The following GABRB3 variants were observed in gnomAD, a reference collection of about 807,000 sequenced individuals.
GABRB3 encodes gamma-aminobutyric acid type A receptor subunit beta3.
Under a neutral mutation model 52.1 loss-of-function variants are expected in GABRB3, and 14 were observed. The ratio of observed to expected loss-of-function variants is 0.27; its 90% confidence interval spans 0.18 to 0.42. The LOEUF is 0.42. GABRB3 is among the 10% of genes least tolerant of loss of function. The probability of loss-of-function intolerance (pLI) is 1.00; values close to 1 mark genes in which losing one functional copy is unlikely to be tolerated. For missense variants in GABRB3, 307 were observed against 609.1 expected, an observed-to-expected ratio of 0.50 and a Z score of 5.22; for synonymous variants, 260 against 232.3, an observed-to-expected ratio of 1.12 and a Z score of -1.08.
At chr15:26,598,520 C>T (rs1891476613) in intron 4 of GABRB3, among the ~76,000 whole-genome samples, 1 of 152,062 alleles carries the variant, frequency 6.6e-6, no homozygotes. Flanking sequence ...ATTTGGTCTG[C>T]AGAACTGATT....
chr15:26,764,478 T>C (rs1271079042), intron 3 of GABRB3, among the ~76,000 whole-genome samples: 5 of 151,986 alleles, frequency 3.3e-5, no homozygotes, highest in Non-Finnish European at 7.4e-5. Context: ...CTGTGAGATG[T>C]TTAAGTTCAG....
At chr15:26,770,777 T>G (rs1891123140) in intron 3 of GABRB3, among the ~76,000 whole-genome samples, 1 of 152,254 alleles carries the variant, frequency 6.6e-6, no homozygotes, top group Non-Finnish European at 1.5e-5. Context: ...AAGTCCCCAG[T>G]TGAGAAAATC....
intron 3 of GABRB3, among the ~76,000 whole-genome samples, chr15:26,645,115 C>T (rs970581184): frequency 3.3e-5 from 5 of 152,042 alleles, no homozygotes; most frequent in African/African-American, 1.2e-4. Context: ...TGGTGGTGTG[C>T]GCCTGTAGTC....
At chr15:26,580,225 T>C (rs1890738155) in intron 6 of GABRB3, 94 bp downstream of exon 6, 1 of 1,426,208 alleles carries the variant, frequency 7.0e-7, no homozygotes, top group Non-Finnish European at 9.9e-7. Flanking sequence ...CCGATGATCC[T>C]GTGCTGTGAG....
intron 3 of GABRB3, among the ~76,000 whole-genome samples, chr15:26,667,238 C>T (rs1421961965): frequency 6.6e-6 from 1 of 152,202 alleles, no homozygotes; most frequent in Admixed American, 6.5e-5. Flanking sequence ...GTCTCCAATG[C>T]CAGAGCCCGA....
At chr15:26,567,773 C>A in intron 6 of GABRB3, 40 bp from the exon 7 acceptor site, 1 of 1,602,932 alleles carries the variant, frequency 6.2e-7, no homozygotes, top group Non-Finnish European at 8.5e-7. Context: ...GGAGAAACAA[C>A]ATGGCAGACT....
At chr15:26,678,933 T>C (rs7494844) in intron 3 of GABRB3, among the ~76,000 whole-genome samples, 14,228 of 152,190 alleles carry the variant, frequency 0.093, 783 homozygotes, top group Middle Eastern at 0.17. Context: ...TGTGAGTTTC[T>C]ATGAACCTCA....
chr15:26,636,412 C>T (rs892700100), intron 3 of GABRB3, among the ~76,000 whole-genome samples: 3 of 152,118 alleles, frequency 2.0e-5, no homozygotes, highest in African/African-American at 4.8e-5. Context: ...GCCTTTCCTC[C>T]GACCTAAATG....
intron 3 of GABRB3, among the ~76,000 whole-genome samples, chr15:26,744,894 G>A (rs1890298187): frequency 6.6e-6 from 1 of 152,038 alleles, no homozygotes; most frequent in African/African-American, 2.4e-5. Flanking sequence ...TTTTTGCATT[G>A]CTATAAAGAA....
chr15:26,739,565 T>G, intron 3 of GABRB3, among the ~76,000 whole-genome samples: 1 of 152,086 alleles, frequency 6.6e-6, no homozygotes. Flanking sequence ...AGGGGCCGGT[T>G]TGGCAGGCAG....
At chr15:26,714,865 A>ATC (rs1889417223) in intron 3 of GABRB3, among the ~76,000 whole-genome samples, 1 of 152,194 alleles carries the variant, frequency 6.6e-6, no homozygotes, top group African/African-American at 2.4e-5. Context: ...AGGAAATAGG[A>ATC]GTGAAAGACA....
intron 3 of GABRB3, among the ~76,000 whole-genome samples, chr15:26,647,174 A>G (rs1416746164): frequency 6.6e-6 from 1 of 152,178 alleles, no homozygotes. Flanking sequence ...ATATCTATTC[A>G]GATTCTTTGC....
chr15:26,560,201 T>C (rs1382593371), intron 8 of GABRB3, among the ~76,000 whole-genome samples: 1 of 152,206 alleles, frequency 6.6e-6, no homozygotes, highest in Non-Finnish European at 1.5e-5. Context: ...ATTGGTTTTA[T>C]AGGAAACCCT....
At chr15:26,585,266 TAG>T (rs2140742704) in intron 4 of GABRB3, among the ~76,000 whole-genome samples, 1 of 152,328 alleles carries the variant, frequency 6.6e-6, no homozygotes, top group South Asian at 2.1e-4. Flanking sequence ...CTGAGATCCC[TAG>T]AGTCACCTTC....
At chr15:26,683,543 C>T (rs1888305926) in intron 3 of GABRB3, among the ~76,000 whole-genome samples, 1 of 152,172 alleles carries the variant, frequency 6.6e-6, no homozygotes, top group Non-Finnish European at 1.5e-5. Context: ...TTTCCATTGA[C>T]CTCTAGGTGC....
intron 3 of GABRB3, among the ~76,000 whole-genome samples, chr15:26,672,612 A>T (rs1373332002): frequency 6.6e-6 from 1 of 152,174 alleles, no homozygotes; most frequent in Non-Finnish European, 1.5e-5. Flanking sequence ...TTTAATTCAC[A>T]GCCCTCCACC....
At chr15:26,658,829 G>A (rs142449688) in intron 3 of GABRB3, 143 of 152,290 alleles carry the variant, frequency 9.4e-4, no homozygotes, top group African/African-American at 2.5e-3. Context: ...AAACATTCTG[G>A]AACTGCTATG....
chr15:26,702,174 T>C (rs938361169), intron 3 of GABRB3, among the ~76,000 whole-genome samples: 2 of 152,182 alleles, frequency 1.3e-5, no homozygotes, highest in African/African-American at 4.8e-5. Flanking sequence ...TTTATGATCT[T>C]ATATTGGGAA....
chr15:26,556,576 T>C (rs1021583946), intron 8 of GABRB3, among the ~76,000 whole-genome samples: 4 of 152,184 alleles, frequency 2.6e-5, no homozygotes, highest in African/African-American at 9.6e-5. Context: ...CTCTTGGGTA[T>C]AGAAACAACT....
Sources: allele counts gnomAD v4.1 joint callset (sites outside exome capture counted in the v4.1 genomes callset), GRCh38; gene constraint gnomAD v4.1.1; transcripts MANE v1.5; gene names NCBI Gene and HGNC (gene_info 2026-07-23, HGNC 2026-07-21).